The following OR7G3 variants were observed in gnomAD, a reference collection of about 807,000 sequenced individuals.
OR7G3 encodes olfactory receptor 7G3.
For missense variants in OR7G3, 352 were observed against 372.1 expected, an observed-to-expected ratio of 0.95 and a Z score of 0.44; for synonymous variants, 143 against 157.6, an observed-to-expected ratio of 0.91 and a Z score of 0.69.
In OR7G3 at chr19:9,126,323, G is replaced by A; in HGVS notation, c.628C>T (p.Pro210Ser). The stretch of plus-strand genomic sequence containing the variant: ...TAAGAGAAAATGATCCCAGAGAGAG[G>A]AACAACACCTAACAGGCTGGTCACC... The part of the protein sequence containing the change: ...YLVTSLLGVV[P>S]LSGIIFSYTR... The change falls in exon 1 of 1, where the codon CCT becomes TCT. Residue 210 changes from proline to serine, a missense_variant. Coordinates refer to ENST00000305444, the MANE Select transcript of OR7G3 (RefSeq NM_001001958.1). 3 of 1,614,058 alleles carry A rather than the reference G, an allele frequency of 1.9e-6. No individual in the cohort carries two copies. Among genetic ancestry groups the A allele is most frequent in the Middle Eastern group, 1.6e-4 (1 of 6,062 alleles).
chr19:9,126,312 C>G lies in OR7G3; in HGVS notation c.639G>C (p.Gly213=). The G allele has an allele frequency of 1.2e-6, 2 of 1,614,100 alleles. No homozygotes were observed. Among genetic ancestry groups the G allele is most frequent in the Non-Finnish European group, 1.7e-6 (2 of 1,179,982 alleles). Reference sequence around the variant, plus strand: ...CAATTCGTGTGTAAGAGAAAATGATCCCAGAGAGAGGAACAACACCTAACA... The same window carrying G: ...CAATTCGTGTGTAAGAGAAAATGATGCCAGAGAGAGGAACAACACCTAACA... The part of the protein sequence containing the change: ...TSLLGVVPLS[G]IIFSYTRIVS... Residue 213 remains glycine, a synonymous_variant, in exon 1 of 1, where the codon GGG becomes GGC. Transcript: ENST00000305444.
Position 9,126,224 on chromosome 19 carries a change from AC to A in OR7G3, c.726del (p.Ser243HisfsTer3), listed in dbSNP as rs2050507553. 1.9e-6 allele frequency: 3 copies of A among 1,613,382 alleles called. No homozygotes were observed. Among genetic ancestry groups the A allele is most frequent in the Admixed American group, 3.3e-5 (2 of 59,906 alleles). ...GGKYKAFSICGSHLIVVSLFY... is the reference protein window; with the variant it reads ...GGKYKAFSICXSHLIVVSLFY... Reference sequence around the variant, plus strand: ...AACAAGGAAACAACGATTAAATGTGACCCGCAGATGGAAAAAGCTTTATACT... The same window carrying A: ...AACAAGGAAACAACGATTAAATGTGACCGCAGATGGAAAAAGCTTTATACT... On this transcript the variant is annotated frameshift_variant, in exon 1 of 1. Coordinates refer to ENST00000305444, the MANE Select transcript of OR7G3 (RefSeq NM_001001958.1). LOFTEE classifies it low-confidence loss of function (END_TRUNC).
At position 9,126,592 on chromosome 19, in the gene OR7G3, T is replaced by C; in HGVS notation, c.359A>G (p.Tyr120Cys). ...LENGILVMMA[Y>C]DRFVAICHPL... is the part of the protein sequence containing the mutation. Reference sequence around the variant, plus strand: ...GTGACAGATGGCCACAAATCGATCATAGGCCATCATGACCAGAATTCCATT... The same window carrying C: ...GTGACAGATGGCCACAAATCGATCACAGGCCATCATGACCAGAATTCCATT... The change falls in exon 1 of 1, where the codon TAT becomes TGT. Residue 120 changes from tyrosine to cysteine, a missense_variant. Tyr to Cys is a radical substitution (Grantham distance 194). Coordinates refer to ENST00000305444, the MANE Select transcript of OR7G3 (RefSeq NM_001001958.1). 6.2e-7 allele frequency: 1 copy of C among 1,614,076 alleles called. No homozygotes were observed. Among genetic ancestry groups the C allele is most frequent in the Non-Finnish European group, 8.5e-7 (1 of 1,179,978 alleles).
chr19:9,126,094 T>C lies in OR7G3; in HGVS notation c.857A>G (p.Asn286Ser). The C allele has an allele frequency of 1.9e-6, 3 of 1,614,032 alleles. No homozygotes were observed. Among genetic ancestry groups the C allele is most frequent in the Non-Finnish European group, 2.5e-6 (3 of 1,179,968 alleles). ...GTTTCTCAGGCTGTAAATGAGTGGGTTCAGCATGGGGGTGACCACGGTATA... is the reference window on the plus strand; with the variant it reads ...GTTTCTCAGGCTGTAAATGAGTGGGCTCAGCATGGGGGTGACCACGGTATA... ...VMYTVVTPMLNPLIYSLRNKD... is the reference protein window; with the variant it reads ...VMYTVVTPMLSPLIYSLRNKD... Residue 286 changes from asparagine to serine, a missense_variant, in exon 1 of 1, where the codon AAC becomes AGC. Coordinates refer to ENST00000305444, the MANE Select transcript of OR7G3 (RefSeq NM_001001958.1).
Position 9,126,174 on chromosome 19 carries a change from G to T in OR7G3, c.777C>A (p.Tyr259Ter). 1 of 1,614,118 alleles carries T rather than the reference G, an allele frequency of 6.2e-7. No individual in the cohort carries two copies. Among genetic ancestry groups the T allele is most frequent in the South Asian group, 1.1e-5 (1 of 91,074 alleles). ...SLFYGTGFGV[Y>*]LSSGATHSSR... ...AGGAGTGGGTAGCCCCAGAACTAAG[G>T]TACACCCCAAACCCTGTTCCATAAA... Residue 259 changes from tyrosine to a stop codon, truncating the protein, a stop_gained, in exon 1 of 1, where the codon TAC becomes TAA. Transcript: ENST00000305444. LOFTEE classifies it low-confidence loss of function (END_TRUNC).
Position 9,126,352 on chromosome 19 carries a change from T to TA in OR7G3, c.598dup (p.Tyr200LeufsTer37). On this transcript the variant is annotated frameshift_variant, in exon 1 of 1. Transcript: ENST00000305444. LOFTEE classifies it low-confidence loss of function (END_TRUNC). Reference sequence around the variant, plus strand: ...AACACCTAACAGGCTGGTCACCAAATACACCAGGATGTTATTGATGAGGAC... The same window carrying TA: ...AACACCTAACAGGCTGGTCACCAAATAACACCAGGATGTTATTGATGAGGAC... 6.2e-7 allele frequency: 1 copy of TA among 1,614,090 alleles called. No individual in the cohort carries two copies. Among genetic ancestry groups the TA allele is most frequent in the Non-Finnish European group, 8.5e-7 (1 of 1,179,970 alleles).
In OR7G3 at chr19:9,126,807, G is replaced by A. The variant is rs147849160; in HGVS notation, c.144C>T (p.Ala48=). ...TMLGNLLIIL[A]VNSDSHLHTP... ...TGTGGAGGTGGGAGTCAGAGTTGAC[G>A]GCCAGGATGATGAGCAGGTTCCCCA... The change falls in exon 1 of 1, where the codon GCC becomes GCT. Residue 48 remains alanine (A), a synonymous_variant. Coordinates refer to ENST00000305444, the MANE Select transcript of OR7G3 (RefSeq NM_001001958.1). The A allele has an allele frequency of 4.6e-4, 749 of 1,614,002 alleles. 5 individuals carry two copies. The African/African-American group carries it at 9.2e-3, about 20-fold the overall frequency.
rs781442179 is a variant in OR7G3, at chr19:9,126,572, A to C, written c.379T>G (p.Cys127Gly). The C allele has an allele frequency of 1.1e-5, 17 of 1,614,034 alleles. No individual in the cohort carries two copies. In the South Asian group the frequency reaches 1.9e-4, roughly 18 times the overall value. ...MMAYDRFVAI[C>G]HPLRYNVIMN... ...ATGACATTGTACCTCAGTGGGTGAC[A>C]GATGGCCACAAATCGATCATAGGCC... Residue 127 changes from cysteine (C) to glycine (G), a missense_variant, in exon 1 of 1, where the codon TGT (cysteine) becomes GGT (glycine). Coordinates refer to ENST00000305444, the MANE Select transcript of OR7G3 (RefSeq NM_001001958.1).
Position 9,126,640 on chromosome 19 carries a change from A to G in OR7G3, c.311T>C (p.Val104Ala), listed in dbSNP as rs1436639409. 1.9e-6 allele frequency: 3 copies of G among 1,614,194 alleles called. No homozygotes were observed. The highest frequency in any genetic ancestry group is 1.1e-5 in the South Asian group (1 of 91,082). The change falls in exon 1 of 1, where the codon GTC becomes GCC. Residue 104 changes from valine to alanine, a missense_variant. By Grantham distance (64) the Val-to-Ala change is moderately conservative (BLOSUM62 0). Transcript: ENST00000305444. ...ATTTTCCAATCCAACAAAAACCAGGACAAAGCAGATTTGGGTGAGGCAGCC... is the reference window on the plus strand; with the variant it reads ...ATTTTCCAATCCAACAAAAACCAGGGCAAAGCAGATTTGGGTGAGGCAGCC... ...YTGCLTQICF[V>A]LVFVGLENGI...
chr19:9,126,841 G>C lies in OR7G3; in HGVS notation c.110C>G (p.Ala37Gly). The C allele has an allele frequency of 6.2e-7, 1 of 1,613,900 alleles. No individual in the cohort carries two copies. The highest frequency in any genetic ancestry group is 8.5e-7 in the Non-Finnish European group (1 of 1,179,894). ...LFMLFLSMYL[A>G]TMLGNLLIIL... ...GATGAGCAGGTTCCCCAGCATTGTG[G>C]CCAGGTACATGGACAGGAACAGCAT... The change falls in exon 1 of 1, where the codon GCC becomes GGC. Residue 37 changes from alanine (A) to glycine (G), a missense_variant. Coordinates refer to ENST00000305444, the MANE Select transcript of OR7G3 (RefSeq NM_001001958.1).
rs779363807 is a variant in OR7G3, at chr19:9,126,806, C to T, written c.145G>A (p.Val49Ile). ...MLGNLLIILA[V>I]NSDSHLHTPM... ...GTGTGGAGGTGGGAGTCAGAGTTGA[C>T]GGCCAGGATGATGAGCAGGTTCCCC... The change falls in exon 1 of 1, where the codon GTC (valine) becomes ATC (isoleucine). Residue 49 changes from valine to isoleucine, a missense_variant. Transcript: ENST00000305444. 7 of 1,613,924 alleles carry T rather than the reference C, an allele frequency of 4.3e-6. No homozygotes were observed. The highest frequency in any genetic ancestry group is 3.3e-5 in the Admixed American group (2 of 59,968).
At position 9,126,209 on chromosome 19, in the gene OR7G3, C is replaced by T. The variant is rs768063133; in HGVS notation, c.742G>A (p.Val248Ile). 13 of 1,613,990 alleles carry T rather than the reference C, an allele frequency of 8.1e-6. No homozygotes were observed. The highest frequency in any genetic ancestry group is 2.7e-5 in the African/African-American group (2 of 74,952). ...FSICGSHLIV[V>I]SLFYGTGFGV... Reference sequence around the variant, plus strand: ...AACCCTGTTCCATAAAACAAGGAAACAACGATTAAATGTGACCCGCAGATG... The same window carrying T: ...AACCCTGTTCCATAAAACAAGGAAATAACGATTAAATGTGACCCGCAGATG... Residue 248 changes from valine (V) to isoleucine (I), a missense_variant, in exon 1 of 1, where the codon GTT becomes ATT. Transcript: ENST00000305444.
rs573260313 is a variant in OR7G3 at position 9,126,422 on chromosome 19, A to G, written c.529T>C (p.Phe177Leu). 3 of 1,614,154 alleles carry G rather than the reference A, an allele frequency of 1.9e-6. No individual in the cohort carries two copies. The African/African-American group carries it at 4.0e-5, about 22-fold the overall frequency. The change falls in exon 1 of 1, where the codon TTT becomes CTT. Residue 177 changes from phenylalanine (F) to leucine (L), a missense_variant. Physicochemically the swap from Phe to Leu is conservative, Grantham distance 22. Coordinates refer to ENST00000305444, the MANE Select transcript of OR7G3 (RefSeq NM_001001958.1). ...TFCIDLEIPH[F>L]FCELAHILKL... ...AGAATATGAGCTAGTTCACAGAAAA[A>G]GTGGGGAATTTCCAGGTCTATGCAG...
Position 9,126,064 on chromosome 19 carries a change from T to A in OR7G3, c.887A>T (p.Asp296Val). The change falls in exon 1 of 1, where the codon GAC (aspartate) becomes GTC (valine). Residue 296 changes from aspartate to valine, a missense_variant. Coordinates refer to ENST00000305444, the MANE Select transcript of OR7G3 (RefSeq NM_001001958.1). Reference sequence around the variant, plus strand: ...TAGTTTCCTCAAAGCCTTCAACATGTCCTTGTTTCTCAGGCTGTAAATGAG... The same window carrying A: ...TAGTTTCCTCAAAGCCTTCAACATGACCTTGTTTCTCAGGCTGTAAATGAG... Reference protein sequence around the residue: ...NPLIYSLRNKDMLKALRKLIS... With the variant: ...NPLIYSLRNKVMLKALRKLIS... 2 of 1,613,238 alleles carry A rather than the reference T, an allele frequency of 1.2e-6. No homozygotes were observed. The highest frequency in any genetic ancestry group is 8.5e-7 in the Non-Finnish European group (1 of 1,179,340).
chr19:9,126,884 G>A lies in OR7G3; in HGVS notation c.67C>T (p.Leu23=), dbSNP rs1435613736. The change falls in exon 1 of 1, where the codon CTG becomes TTG. Residue 23 remains leucine (L), a synonymous_variant. Coordinates refer to ENST00000305444, the MANE Select transcript of OR7G3 (RefSeq NM_001001958.1). The part of the protein sequence containing the change: ...FLLGLSGDPE[L]QPILFMLFLS... ...AACAGCATGAAGAGGATGGGCTGCA[G>A]CTCCGGATCCCCTGACAATCCCAAG... 1.1e-5 allele frequency: 17 copies of A among 1,612,136 alleles called. No individual in the cohort carries two copies. Among genetic ancestry groups the A allele is most frequent in the Non-Finnish European group, 1.4e-5 (16 of 1,179,018 alleles).
rs749471135 is a variant in OR7G3 at position 9,126,266 on chromosome 19, G to C, written c.685C>G (p.Pro229Ala). 1 of 1,614,010 alleles carries C rather than the reference G, an allele frequency of 6.2e-7. No homozygotes were observed. The highest frequency in any genetic ancestry group is 1.7e-5 in the Admixed American group (1 of 59,994). Reference sequence around the variant, plus strand: ...GCTTTATACTTTCCACCAGCTGATGGAATTTTCATGACAGAGGAGACAATT... The same window carrying C: ...GCTTTATACTTTCCACCAGCTGATGCAATTTTCATGACAGAGGAGACAATT... ...TRIVSSVMKI[P>A]SAGGKYKAFS... Residue 229 changes from proline to alanine, a missense_variant, in exon 1 of 1, where the codon CCA becomes GCA. Transcript: ENST00000305444.
Position 9,126,309 on chromosome 19 carries a change from G to A in OR7G3, c.642C>T (p.Ile214=), listed in dbSNP as rs375002810. ...AGACAATTCGTGTGTAAGAGAAAAT[G>A]ATCCCAGAGAGAGGAACAACACCTA... is the stretch of plus-strand genomic sequence containing the variant. ...SLLGVVPLSG[I]IFSYTRIVSS... is the part of the protein sequence containing the mutation. Residue 214 remains isoleucine (I), a synonymous_variant, in exon 1 of 1, where the codon ATC becomes ATT. Transcript: ENST00000305444. The A allele has an allele frequency of 1.9e-6, 3 of 1,614,164 alleles. No homozygotes were observed. Among genetic ancestry groups the A allele is most frequent in the Non-Finnish European group, 2.5e-6 (3 of 1,180,018 alleles).
At position 9,126,751 on chromosome 19, in the gene OR7G3, G is replaced by A. The variant is rs1463956070; in HGVS notation, c.200C>T (p.Ser67Phe). 6.2e-7 allele frequency: 1 copy of A among 1,613,940 alleles called. No individual in the cohort carries two copies. The highest frequency in any genetic ancestry group is 8.5e-7 in the Non-Finnish European group (1 of 1,179,872). ...TPMYFLLSILSLVDICFTSTT... is the reference protein window; with the variant it reads ...TPMYFLLSILFLVDICFTSTT... Reference sequence around the variant, plus strand: ...GGAGGTGAAACAGATGTCGACCAAGGACAGGATAGAGAGGAGGAAGTACAT... The same window carrying A: ...GGAGGTGAAACAGATGTCGACCAAGAACAGGATAGAGAGGAGGAAGTACAT... The change falls in exon 1 of 1, where the codon TCC becomes TTC. Residue 67 changes from serine (S) to phenylalanine (F), a missense_variant. Physicochemically the swap from Ser to Phe is radical, Grantham distance 155. Coordinates refer to ENST00000305444, the MANE Select transcript of OR7G3 (RefSeq NM_001001958.1).
Position 9,126,496 on chromosome 19 carries a change from C to CT in OR7G3, c.454dup (p.Ser152LysfsTer29), listed in dbSNP as rs2050510349. The stretch of plus-strand genomic sequence containing the variant: ...CGTGTGCAGCAGAGCATCCAGGACA[C>CT]TAACGATGAAGGACAGCAGAAGCAG... On this transcript the variant is annotated frameshift_variant, in exon 1 of 1. Coordinates refer to ENST00000305444, the MANE Select transcript of OR7G3 (RefSeq NM_001001958.1). LOFTEE classifies it low-confidence loss of function (END_TRUNC). 1 of 1,613,974 alleles carries CT rather than the reference C, an allele frequency of 6.2e-7. No homozygotes were observed. The highest frequency in any genetic ancestry group is 1.3e-5 in the African/African-American group (1 of 74,898).
Sources: allele counts gnomAD v4.1 joint callset, GRCh38; gene constraint gnomAD v4.1.1; transcripts MANE v1.5; gene names NCBI Gene and HGNC (gene_info 2026-07-23, HGNC 2026-07-21).